The following MAGI2 variants were observed in gnomAD, a reference collection of about 807,000 sequenced individuals.
MAGI2 encodes the protein membrane-associated guanylate kinase, WW and PDZ domain-containing protein 2.
Under a neutral mutation model 133.3 loss-of-function variants are expected in MAGI2, and 35 were observed. That is an observed-to-expected ratio of 0.26 (90% CI 0.20 to 0.35). MAGI2 has a LOEUF of 0.35. Ranked by LOEUF, MAGI2 falls within the 10% of genes least tolerant of loss-of-function variation. The pLI, the probability that MAGI2 is intolerant of heterozygous loss-of-function variation, is 1.00. For synonymous variants in MAGI2, 729 were observed against 710.6 expected (o/e 1.03, Z -0.41); for missense variants, 1,636 against 1,863.4 (o/e 0.88, Z 2.25).
intron 6 of MAGI2, among the ~76,000 whole-genome samples, chr7:78,403,734 A>C (rs1441191483): frequency 6.6e-6 from 1 of 151,990 alleles, no homozygotes; most frequent in South Asian, 2.1e-4. Flanking sequence ...TTTGATTTGC[A>C]TTTCTCTGAT....
At chr7:79,123,359 G>A (rs1303014595) in intron 1 of MAGI2, among the ~76,000 whole-genome samples, 7 of 152,074 alleles carry the variant, frequency 4.6e-5, no homozygotes, top group Admixed American at 1.3e-4. Context: ...GATAGATATC[G>A]GTTTAAATTT....
At chr7:78,881,618 C>G (rs1795845211) in intron 2 of MAGI2, among the ~76,000 whole-genome samples, 1 of 152,032 alleles carries the variant, frequency 6.6e-6, no homozygotes, top group Admixed American at 6.6e-5. Flanking sequence ...TCTCAAACCA[C>G]AGTGGAATAA....
intron 2 of MAGI2, among the ~76,000 whole-genome samples, chr7:78,752,527 C>T (rs1351283421): frequency 3.9e-5 from 6 of 152,140 alleles, no homozygotes; most frequent in Non-Finnish European, 7.4e-5. Context: ...TGCTTGAACC[C>T]GGGAGGCAGA....
At chr7:79,418,376 CT>C (rs1284168727) in intron 1 of MAGI2, among the ~76,000 whole-genome samples, 1 of 152,068 alleles carries the variant, frequency 6.6e-6, no homozygotes, top group Non-Finnish European at 1.5e-5. Context: ...TGGTAGCTCA[CT>C]GAGCAGTTCA....
chr7:78,412,252 G>A (rs1797935777), intron 6 of MAGI2, among the ~76,000 whole-genome samples: 1 of 152,042 alleles, frequency 6.6e-6, no homozygotes. Flanking sequence ...AGGTGCAGGA[G>A]CTGTAAGAGC....
intron 1 of MAGI2, among the ~76,000 whole-genome samples, chr7:79,433,324 G>T (rs1415323048): frequency 2.0e-5 from 3 of 152,070 alleles, no homozygotes; most frequent in Non-Finnish European, 4.4e-5. Context: ...GGCCGAGGCG[G>T]ATGGATCATG....
At chr7:78,568,195 TTAGAC>T (rs1370451919) in intron 3 of MAGI2, 1 of 152,226 alleles carries the variant, frequency 6.6e-6, no homozygotes, top group African/African-American at 2.4e-5. Context: ...GGATTGGTCT[TTAGAC>T]TACTTCACTT....
At chr7:78,395,083 A>G (rs146744065) in intron 6 of MAGI2, among the ~76,000 whole-genome samples, 190 of 152,322 alleles carry the variant, frequency 1.2e-3, no homozygotes, top group Non-Finnish European at 2.4e-3. Flanking sequence ...TTATTGAGAA[A>G]CATTCTTGGC....
intron 21 of MAGI2, among the ~76,000 whole-genome samples, chr7:78,058,186 C>T (rs537200027): frequency 2.0e-5 from 3 of 151,842 alleles, no homozygotes; most frequent in African/African-American, 7.2e-5. Context: ...TCCAAGTGGT[C>T]ATAGTACAAT....
chr7:79,368,641 G>C (rs998125584), intron 1 of MAGI2, among the ~76,000 whole-genome samples: 3 of 151,720 alleles, frequency 2.0e-5, no homozygotes, highest in Non-Finnish European at 2.9e-5. Context: ...GAGGTCAGGA[G>C]ATCGAGACCA....
At chr7:79,261,074 A>C (rs1834054228) in intron 1 of MAGI2, among the ~76,000 whole-genome samples, 1 of 152,250 alleles carries the variant, frequency 6.6e-6, no homozygotes, top group African/African-American at 2.4e-5. Flanking sequence ...AACAGCCATG[A>C]GCATTCAAGA....
chr7:79,436,582 A>C (rs917541288), intron 1 of MAGI2, among the ~76,000 whole-genome samples: 2 of 152,170 alleles, frequency 1.3e-5, no homozygotes, highest in African/African-American at 2.4e-5. Context: ...CAAGTGGTCA[A>C]AAAACATATT....
At chr7:79,405,353 T>G (rs1563193535) in intron 1 of MAGI2, among the ~76,000 whole-genome samples, 1 of 152,162 alleles carries the variant, frequency 6.6e-6, no homozygotes, top group Non-Finnish European at 1.5e-5. Context: ...AACCTTGTTC[T>G]TCCTTCTCTG....
intron 1 of MAGI2, among the ~76,000 whole-genome samples, chr7:79,427,818 G>T (rs146075283): frequency 6.6e-6 from 1 of 152,240 alleles, no homozygotes; most frequent in Admixed American, 6.5e-5. Flanking sequence ...GTAGTCACTT[G>T]CTGGATGGAT....
At chr7:78,412,202 A>G (rs1230545497) in intron 6 of MAGI2, among the ~76,000 whole-genome samples, 1 of 152,056 alleles carries the variant, frequency 6.6e-6, no homozygotes, top group Non-Finnish European at 1.5e-5. Flanking sequence ...TCCTTGAACA[A>G]TCGATCCTCT....
chr7:78,636,907 C>A (rs1476668069), intron 2 of MAGI2, among the ~76,000 whole-genome samples: 2 of 152,186 alleles, frequency 1.3e-5, no homozygotes, highest in Non-Finnish European at 2.9e-5. Context: ...GGTTCTCACT[C>A]CCCAGAGTCT....
At chr7:78,023,895 G>T (rs1303873681) in intron 21 of MAGI2, among the ~76,000 whole-genome samples, 1 of 152,202 alleles carries the variant, frequency 6.6e-6, no homozygotes, top group African/African-American at 2.4e-5. Flanking sequence ...ACACAGTACA[G>T]CAGTTGTTGA....
intron 2 of MAGI2, among the ~76,000 whole-genome samples, chr7:78,804,748 C>CAAA (rs373472835): frequency 4.6e-4 from 45 of 97,716 alleles, no homozygotes; most frequent in African/African-American, 7.6e-4. Flanking sequence ...GACTCTGTCT[C>CAAA]AAAAAAAAAA....
intron 7 of MAGI2, among the ~76,000 whole-genome samples, chr7:78,349,388 G>A (rs538008174): frequency 9.2e-5 from 14 of 152,158 alleles, no homozygotes; most frequent in South Asian, 2.1e-4. Flanking sequence ...TTCTATATCC[G>A]TTTTGCTAGG....
Sources: gnomAD v4.1 joint callset for allele counts (sites outside exome capture counted in the v4.1 genomes callset) on GRCh38, gnomAD v4.1.1 for gene constraint, MANE v1.5 for transcripts, NCBI Gene and HGNC (gene_info 2026-07-23, HGNC 2026-07-21) for gene names.